Variants in RIMS1 observed in about 807,000 individuals in gnomAD.
The protein encoded by RIMS1 is regulating synaptic membrane exocytosis protein 1.
RIMS1 carries 83 observed loss-of-function variants against 214.1 expected under a neutral mutation model. That is an observed-to-expected ratio of 0.39 (90% CI 0.32 to 0.47). The LOEUF is 0.47. Ranked by LOEUF, RIMS1 falls within the 20% of genes least tolerant of loss-of-function variation. The pLI, the probability that RIMS1 is intolerant of heterozygous loss-of-function variation, is 0.99. For missense variants in RIMS1, 2,050 were observed against 2,161.8 expected, an observed-to-expected ratio of 0.95 and a Z score of 1.03; for synonymous variants, 793 against 786.8, an observed-to-expected ratio of 1.01 and a Z score of -0.13.
At chr6:72,398,433 T>C in intron 32 of RIMS1, 83 bp downstream of exon 32, 4 of 783,762 alleles carry the variant, frequency 5.1e-6, no homozygotes, top group Non-Finnish European at 8.2e-6. Flanking sequence ...TTGAATTTCA[T>C]ATGCTCTGTT....
intron 2 of RIMS1, among the ~76,000 whole-genome samples, chr6:72,038,090 C>CA (rs869130217): frequency 2.2e-4 from 5 of 22,240 alleles, no homozygotes; most frequent in Non-Finnish European, 2.4e-4. Context: ...AACAAACAAG[C>CA]AAAAAAAAAA....
At chr6:72,263,362 C>T in intron 19 of RIMS1, 1 of 983,996 alleles carries the variant, frequency 1.0e-6, no homozygotes. Context: ...ATATTGTGTA[C>T]ATGTTACCAC....
At chr6:72,165,853 T>C (rs1175567363) in intron 4 of RIMS1, among the ~76,000 whole-genome samples, 1 of 152,082 alleles carries the variant, frequency 6.6e-6, no homozygotes, top group African/African-American at 2.4e-5. Flanking sequence ...ATATCTAAAC[T>C]TTTCTCTCCT....
intron 4 of RIMS1, among the ~76,000 whole-genome samples, chr6:72,104,298 C>G (rs1373617376): frequency 6.6e-6 from 1 of 152,164 alleles, no homozygotes; most frequent in South Asian, 2.1e-4. Flanking sequence ...TAAGTGCCTA[C>G]TTTAAAAGGC....
chr6:72,165,254 G>A (rs987289710), intron 4 of RIMS1, among the ~76,000 whole-genome samples: 12 of 152,104 alleles, frequency 7.9e-5, no homozygotes, highest in Non-Finnish European at 1.5e-4. Context: ...AAATACACAA[G>A]TCTACTTAGT....
At chr6:72,245,006 G>C (rs778957937) in intron 10 of RIMS1, among the ~76,000 whole-genome samples, 4 of 151,780 alleles carry the variant, frequency 2.6e-5, no homozygotes, top group Non-Finnish European at 4.4e-5. Flanking sequence ...AAACGTCTTT[G>C]GAAAATGAGA....
At chr6:72,056,036 G>A (rs185633387) in intron 2 of RIMS1, among the ~76,000 whole-genome samples, 3 of 152,016 alleles carry the variant, frequency 2.0e-5, no homozygotes, top group Non-Finnish European at 4.4e-5. Flanking sequence ...TAGTAGACTG[G>A]ATAAAGAAAA....
At chr6:72,201,385 C>A (rs2051955973) in intron 6 of RIMS1, among the ~76,000 whole-genome samples, 1 of 152,182 alleles carries the variant, frequency 6.6e-6, no homozygotes, top group African/African-American at 2.4e-5. Context: ...TTCAGTATCA[C>A]CTGTTTTATC....
At chr6:72,263,698 G>C in intron 19 of RIMS1, 1 of 985,222 alleles carries the variant, frequency 1.0e-6, no homozygotes, top group Non-Finnish European at 1.2e-6. Context: ...AGTAAAATTT[G>C]TCCTCAACTT....
chr6:71,918,992 T>C (rs1013658766), intron 1 of RIMS1, among the ~76,000 whole-genome samples: 2 of 152,058 alleles, frequency 1.3e-5, no homozygotes, highest in African/African-American at 4.8e-5. Context: ...GCAGCAAAGA[T>C]TAAAGCAAAT....
At chr6:72,262,268 T>A in intron 19 of RIMS1, 1 of 810,768 alleles carries the variant, frequency 1.2e-6, no homozygotes, top group Non-Finnish European at 1.5e-6. Flanking sequence ...AATCTTATAC[T>A]TAAGATTGGT....
intron 2 of RIMS1, among the ~76,000 whole-genome samples, chr6:72,007,126 C>G (rs547708055): frequency 1.1e-4 from 16 of 152,306 alleles, no homozygotes; most frequent in Non-Finnish European, 2.2e-4. Context: ...TGAGACAAAA[C>G]TTCCAGAGGA....
At chr6:72,253,220 C>T (rs1399989578) in intron 16 of RIMS1, among the ~76,000 whole-genome samples, 1 of 152,064 alleles carries the variant, frequency 6.6e-6, no homozygotes, top group Non-Finnish European at 1.5e-5. Context: ...AATAATGTAG[C>T]CCTCCATGGA....
intron 26 of RIMS1, among the ~76,000 whole-genome samples, chr6:72,299,900 G>T (rs1307177202): frequency 6.6e-6 from 1 of 151,640 alleles, no homozygotes; most frequent in Admixed American, 6.6e-5. Context: ...ATTTTTATTA[G>T]TAGTAGTAGA....
At chr6:71,941,166 A>G (rs1786008059) in intron 1 of RIMS1, among the ~76,000 whole-genome samples, 1 of 152,140 alleles carries the variant, frequency 6.6e-6, no homozygotes, top group Admixed American at 6.6e-5. Context: ...AAACCTATGT[A>G]ATTGTCCATT....
intron 6 of RIMS1, among the ~76,000 whole-genome samples, chr6:72,223,633 A>G (rs1325370542): frequency 6.6e-6 from 1 of 152,166 alleles, no homozygotes; most frequent in Non-Finnish European, 1.5e-5. Flanking sequence ...TTACAAATGC[A>G]CAACATCTTT....
chr6:72,098,532 T>A (rs1193425791), intron 3 of RIMS1, among the ~76,000 whole-genome samples: 2 of 152,072 alleles, frequency 1.3e-5, no homozygotes, highest in Non-Finnish European at 2.9e-5. Flanking sequence ...TGACCTCAGG[T>A]GATCCGCCCG....
At chr6:72,105,709 A>G (rs2034608045) in intron 4 of RIMS1, among the ~76,000 whole-genome samples, 1 of 152,180 alleles carries the variant, frequency 6.6e-6, no homozygotes, top group Admixed American at 6.6e-5. Flanking sequence ...CTATAATGCT[A>G]TGTTGCTGCA....
chr6:72,328,038 A>G (rs1248599503), intron 28 of RIMS1, among the ~76,000 whole-genome samples: 1 of 151,932 alleles, frequency 6.6e-6, no homozygotes, highest in African/African-American at 2.4e-5. Flanking sequence ...TCACAATAGC[A>G]AAGACTTGGA....
Sources: gnomAD v4.1 joint callset for allele counts (sites outside exome capture counted in the v4.1 genomes callset) on GRCh38, gnomAD v4.1.1 for gene constraint, MANE v1.5 for transcripts, NCBI Gene and HGNC (gene_info 2026-07-23, HGNC 2026-07-21) for gene names.